LIPA: variants seen among roughly 807,000 people sequenced by gnomAD.
The protein encoded by LIPA is lysosomal acid lipase/cholesteryl ester hydrolase.
A neutral mutation model predicts 40.6 loss-of-function variants in LIPA; 26 were observed. The observed-to-expected ratio is 0.64, with a 90% confidence interval of 0.47 to 0.89. The LOEUF (loss-of-function observed/expected upper bound fraction) is 0.89. Among genes scored for constraint, LIPA ranks in the 40% least tolerant of loss-of-function variants. The pLI, the probability that LIPA is intolerant of heterozygous loss-of-function variation, is 0.00. For synonymous variants in LIPA, 188 were observed against 168.4 expected (o/e 1.12, Z -0.90); for missense variants, 455 against 479.6 (o/e 0.95, Z 0.48).
chr10:89,247,379 C>CAAAAAAAA (rs71022556), intron 2 of LIPA, among the ~76,000 whole-genome samples, 159 bp downstream of exon 2: 7 of 75,448 alleles, frequency 9.3e-5, no homozygotes, highest in Non-Finnish European at 1.4e-4. Flanking sequence ...GACTCTGCCT[C>CAAAAAAAA]AAAAAAAAAA....
intron 2 of LIPA, among the ~76,000 whole-genome samples, chr10:89,353,095 C>G (rs1342970491): frequency 6.6e-6 from 1 of 152,138 alleles, no homozygotes; most frequent in African/African-American, 2.4e-5. Context: ...AGAGGGCCTC[C>G]TCTCCTACCA....
At chr10:89,216,860 G>A (rs1842634122) in intron 8 of LIPA, among the ~76,000 whole-genome samples, 1 of 151,954 alleles carries the variant, frequency 6.6e-6, no homozygotes, top group African/African-American at 2.4e-5. Flanking sequence ...TTTTAATGAT[G>A]GTATTGATTA....
At chr10:89,230,361 C>T (rs138001510) in intron 3 of LIPA, among the ~76,000 whole-genome samples, 1 of 152,272 alleles carries the variant, frequency 6.6e-6, no homozygotes, top group Non-Finnish European at 1.5e-5. Flanking sequence ...GGATGGAGTG[C>T]AGTGGCGTGA....
chr10:89,287,829 G>C (rs1049647552), intron 1 of LIPA, among the ~76,000 whole-genome samples: 1 of 152,102 alleles, frequency 6.6e-6, no homozygotes, highest in African/African-American at 2.4e-5. Context: ...GGTTAGTTCA[G>C]GATCCGCACC....
At chr10:89,402,294 G>T in intron 2 of LIPA, 1 of 1,608,192 alleles carries the variant, frequency 6.2e-7, no homozygotes, top group Non-Finnish European at 8.5e-7. Flanking sequence ...AAATGGTGAT[G>T]ATCATCAGGT....
At chr10:89,406,976 A>T (rs1001764980) in intron 2 of LIPA, among the ~76,000 whole-genome samples, 1 of 152,194 alleles carries the variant, frequency 6.6e-6, no homozygotes, top group African/African-American at 2.4e-5. Context: ...CGACCAGTTA[A>T]AAGCAACTAG....
intron 2 of LIPA, among the ~76,000 whole-genome samples, chr10:89,356,476 C>T (rs1460117845): frequency 6.6e-6 from 1 of 152,158 alleles, no homozygotes; most frequent in African/African-American, 2.4e-5. Flanking sequence ...ACATTACTGT[C>T]TGAGTTCCGC....
At chr10:89,343,940 G>A (rs147921379), upstream of LIPA, among the ~76,000 whole-genome samples, 342 of 152,192 alleles carry the variant, frequency 2.2e-3, 2 homozygotes, top group African/African-American at 7.8e-3. Context: ...AGTATCATTC[G>A]ACAAACTTTA....
At chr10:89,356,628 G>T (rs1257538260) in intron 2 of LIPA, among the ~76,000 whole-genome samples, 1 of 152,166 alleles carries the variant, frequency 6.6e-6, no homozygotes, top group Non-Finnish European at 1.5e-5. Context: ...ATCACCCCCA[G>T]ATGGGACCGT....
intron 2 of LIPA, among the ~76,000 whole-genome samples, chr10:89,373,676 A>G (rs575117364): frequency 4.6e-5 from 7 of 152,220 alleles, no homozygotes; most frequent in Non-Finnish European, 8.8e-5. Context: ...CATAGAAAAT[A>G]GGTATTTATT....
At chr10:89,320,260 A>C (rs1479255103) in intron 1 of LIPA, among the ~76,000 whole-genome samples, 1 of 152,212 alleles carries the variant, frequency 6.6e-6, no homozygotes, top group African/African-American at 2.4e-5. Context: ...TTCAATTAGG[A>C]AAAGAGGAAG....
chr10:89,403,904 G>C, intron 2 of LIPA: 1 of 501,276 alleles, frequency 2.0e-6, no homozygotes, highest in Non-Finnish European at 3.5e-6. Flanking sequence ...ATGTAAGAAA[G>C]AGAAATCATT....
intron 2 of LIPA, chr10:89,384,495 T>C: frequency 6.2e-7 from 1 of 1,614,080 alleles, no homozygotes; most frequent in Non-Finnish European, 8.5e-7. Context: ...ATGGGAAATC[T>C]CAAGATAAAG....
chr10:89,312,584 G>A lies in LIPA; in HGVS notation c.-2+30027C>T, dbSNP rs150638365. 6.2e-3 allele frequency among the ~76,000 whole-genome samples: 937 copies of A among 151,956 alleles called. 9 individuals are homozygous for A. Among genetic ancestry groups the A allele is most frequent in the Middle Eastern group, 0.048 (14 of 294 alleles). ...TAGAATCCAGTTGACTGAGGCGGGC[G>A]GATCACGAGGTCAGGAGATCGAGAC... On this transcript the variant is annotated intron_variant, in intron 1 of 5. Coordinates refer to the LIPA transcript ENST00000282673.
intron 1 of LIPA, chr10:89,284,239 C>T (rs1017503917): frequency 6.6e-6 from 1 of 152,230 alleles, no homozygotes; most frequent in African/African-American, 2.4e-5. Context: ...GCAAACCAGG[C>T]TGAAACGTTC....
At chr10:89,329,835 C>T (rs1162880103) in intron 1 of LIPA, among the ~76,000 whole-genome samples, 1 of 152,122 alleles carries the variant, frequency 6.6e-6, no homozygotes, top group East Asian at 1.9e-4. Flanking sequence ...GTTTATTTCA[C>T]CTGGGTGCAG....
At chr10:89,312,705 A>G (rs1843522854) in intron 1 of LIPA, among the ~76,000 whole-genome samples, 2 of 151,778 alleles carry the variant, frequency 1.3e-5, no homozygotes, top group South Asian at 4.2e-4. Flanking sequence ...GCTACTCGGG[A>G]GGCTGAGGCA....
rs756939371 is a variant in LIPA, at chr10:89,386,946, A to AGTGTGTGT, written c.61+25837_61+25844dup. The stretch of plus-strand genomic sequence containing the variant: ...GAGTTTATGAGTCTGTGGGTATATG[A>AGTGTGTGT]GTGTGTGTGTGTGTGTGTGTGTGTG... On this transcript the variant is annotated intron_variant, in intron 2 of 8. Coordinates refer to the LIPA transcript ENST00000371837. Among the ~76,000 whole-genome samples, 368 of 125,980 alleles carry AGTGTGTGT rather than the reference A, an allele frequency of 2.9e-3. 2 individuals carry two copies. Among genetic ancestry groups the AGTGTGTGT allele is most frequent in the African/African-American group, 9.5e-3 (335 of 35,336 alleles). 82.6% of individuals were successfully genotyped at this position (125,980 alleles called of 152,430 possible).
chr10:89,342,288 G>A (rs183040467), intron 1 of LIPA, among the ~76,000 whole-genome samples: 1 of 152,304 alleles, frequency 6.6e-6, no homozygotes, highest in Admixed American at 6.5e-5. Flanking sequence ...AAGATGGGCA[G>A]AGAGCACAGA....
Sources: gnomAD v4.1 joint callset for allele counts (sites outside exome capture counted in the v4.1 genomes callset) on GRCh38, gnomAD v4.1.1 for gene constraint, MANE v1.5 for transcripts, NCBI Gene and HGNC (gene_info 2026-07-23, HGNC 2026-07-21) for gene names.